Variants in EYS observed in about 807,000 individuals in gnomAD.
The protein encoded by EYS is protein eyes shut homolog.
A neutral mutation model predicts 282.1 loss-of-function variants in EYS; 250 were observed. That is an observed-to-expected ratio of 0.89 (90% CI 0.80 to 0.98). The LOEUF (loss-of-function observed/expected upper bound fraction) is 0.98, where lower values mean the gene tolerates loss of function less well. Among genes scored for constraint, EYS ranks in the 50% least tolerant of loss-of-function variants. EYS has a pLI of 0.00. For missense variants in EYS, 4,016 were observed against 3,709.0 expected (o/e 1.08, Z -2.15); for synonymous variants, 1,355 against 1,282.9 (o/e 1.06, Z -1.20).
At chr6:64,426,381 T>C (rs1179664405) in intron 28 of EYS, among the ~76,000 whole-genome samples, 3 of 152,152 alleles carry the variant, frequency 2.0e-5, no homozygotes, top group South Asian at 2.1e-4. Context: ...TGTGGGAACA[T>C]GGATACCAGA....
intron 22 of EYS, among the ~76,000 whole-genome samples, chr6:64,751,436 G>T (rs1018219830): frequency 6.6e-6 from 1 of 152,180 alleles, no homozygotes. Context: ...TCTGGGTGTT[G>T]AATGGCTGCC....
chr6:64,641,623 T>C (rs1768155233), intron 22 of EYS, among the ~76,000 whole-genome samples: 1 of 152,100 alleles, frequency 6.6e-6, no homozygotes, highest in South Asian at 2.1e-4. Flanking sequence ...ACTAACAGTT[T>C]CCCTTTCATA....
At chr6:64,237,989 T>C (rs973392346) in intron 30 of EYS, among the ~76,000 whole-genome samples, 2 of 152,190 alleles carry the variant, frequency 1.3e-5, no homozygotes, top group Non-Finnish European at 2.9e-5. Context: ...CTCCTCTTTT[T>C]TGAATATAAC....
intron 31 of EYS, among the ~76,000 whole-genome samples, chr6:64,098,560 T>A (rs1772713723): frequency 6.6e-6 from 1 of 151,902 alleles, no homozygotes; most frequent in Non-Finnish European, 1.5e-5. Context: ...GGTGGTAGGG[T>A]TATGCAAAGT....
At chr6:65,660,110 G>T (rs188494892) in intron 1 of EYS, among the ~76,000 whole-genome samples, 1 of 151,700 alleles carries the variant, frequency 6.6e-6, no homozygotes, top group Non-Finnish European at 1.5e-5. Context: ...TTTTAAAATG[G>T]TGTCAAAAGA....
At chr6:64,555,541 T>C (rs1335784382) in intron 26 of EYS, among the ~76,000 whole-genome samples, 1 of 151,966 alleles carries the variant, frequency 6.6e-6, no homozygotes, top group Non-Finnish European at 1.5e-5. Context: ...GTTAATTATC[T>C]TGACTAAGCC....
chr6:64,258,060 T>C (rs1425947477), intron 30 of EYS, among the ~76,000 whole-genome samples: 2 of 152,062 alleles, frequency 1.3e-5, no homozygotes, highest in African/African-American at 2.4e-5. Context: ...GTTCTTAGGC[T>C]ATAGAATGCC....
At chr6:65,695,033 G>C (rs575700127) in intron 1 of EYS, among the ~76,000 whole-genome samples, 2 of 152,110 alleles carry the variant, frequency 1.3e-5, no homozygotes, top group South Asian at 2.1e-4. Context: ...AGTTGAAAGA[G>C]AGCAAAGGCA....
At chr6:64,694,511 T>A (rs9342375) in intron 22 of EYS, among the ~76,000 whole-genome samples, 103,475 of 151,916 alleles carry the variant, frequency 0.68, 36,305 homozygotes, top group Middle Eastern at 0.78. Flanking sequence ...GTGAGGAGGA[T>A]TGATACTAGG....
chr6:64,225,371 G>A (rs1183417399), intron 31 of EYS, among the ~76,000 whole-genome samples: 1 of 151,880 alleles, frequency 6.6e-6, no homozygotes, highest in Non-Finnish European at 1.5e-5. Flanking sequence ...GGGAATTGGG[G>A]ATGCAGATGG....
At chr6:65,059,632 A>G (rs1374486450) in intron 12 of EYS, among the ~76,000 whole-genome samples, 1 of 152,084 alleles carries the variant, frequency 6.6e-6, no homozygotes, top group Admixed American at 6.6e-5. Context: ...CAAAGAAAGA[A>G]TTTATAATTA....
chr6:64,983,023 G>A (rs1419441256), intron 14 of EYS, among the ~76,000 whole-genome samples: 1 of 151,142 alleles, frequency 6.6e-6, no homozygotes, highest in African/African-American at 2.4e-5. Context: ...TAAATAAATA[G>A]ATATCATGGA....
chr6:64,690,836 G>A (rs1328235079), intron 22 of EYS, among the ~76,000 whole-genome samples: 1 of 151,974 alleles, frequency 6.6e-6, no homozygotes, highest in Non-Finnish European at 1.5e-5. Context: ...TCCTGGGGTG[G>A]GGGGAGCGGG....
At chr6:63,936,751 A>G (rs763882811) in intron 35 of EYS, among the ~76,000 whole-genome samples, 1 of 152,230 alleles carries the variant, frequency 6.6e-6, no homozygotes, top group Non-Finnish European at 1.5e-5. Flanking sequence ...AATGCTACTA[A>G]CAATCTACAA....
chr6:65,292,696 G>T (rs1424313424), intron 12 of EYS, among the ~76,000 whole-genome samples: 1 of 151,744 alleles, frequency 6.6e-6, no homozygotes, highest in East Asian at 1.9e-4. Context: ...TGTACAGTGG[G>T]AGCTAGGTTC....
At chr6:64,944,811 C>T (rs922253466) in intron 15 of EYS, among the ~76,000 whole-genome samples, 11 of 152,130 alleles carry the variant, frequency 7.2e-5, no homozygotes, top group South Asian at 2.1e-4. Flanking sequence ...TGGTGGGAGG[C>T]GAGACATGTT....
At chr6:64,023,998 C>T (rs1451622880) in intron 33 of EYS, among the ~76,000 whole-genome samples, 6 of 152,322 alleles carry the variant, frequency 3.9e-5, no homozygotes, top group East Asian at 3.9e-4. Flanking sequence ...ACATGCAGCT[C>T]GCCATGCCTG....
At chr6:65,461,200 C>G (rs1468086753) in intron 5 of EYS, among the ~76,000 whole-genome samples, 1 of 152,098 alleles carries the variant, frequency 6.6e-6, no homozygotes, top group Non-Finnish European at 1.5e-5. Context: ...TCACAGAAGG[C>G]TAAGACCATT....
chr6:64,364,750 AGGTG>A (rs533598828), intron 29 of EYS, among the ~76,000 whole-genome samples: 38 of 142,610 alleles, frequency 2.7e-4, no homozygotes, highest in Middle Eastern at 3.5e-3. Flanking sequence ...AAACTTTAAA[AGGTG>A]GGTGGGTGGG....
Sources: allele counts gnomAD v4.1 joint callset (sites outside exome capture counted in the v4.1 genomes callset), GRCh38; gene constraint gnomAD v4.1.1; transcripts MANE v1.5; gene names NCBI Gene and HGNC (gene_info 2026-07-23, HGNC 2026-07-21).